Variants in DUSP19 observed in about 807,000 individuals in gnomAD.
DUSP19 encodes the protein dual specificity protein phosphatase 19.
A neutral mutation model predicts 16.6 loss-of-function variants in DUSP19; 14 were observed. The observed-to-expected ratio is 0.84, with a 90% CI of 0.56 to 1.32. The LOEUF is 1.32. Among genes scored for constraint, DUSP19 ranks in the 40% most tolerant of loss-of-function variants. The pLI is 0.00. For missense variants in DUSP19, 258 were observed against 255.9 expected, an observed-to-expected ratio of 1.01 and a Z score of -0.06; for synonymous variants, 81 against 90.5, an observed-to-expected ratio of 0.90 and a Z score of 0.59.
intron 3 of DUSP19, among the ~76,000 whole-genome samples, chr2:183,090,431 A>C (rs2105503642): frequency 6.6e-6 from 1 of 152,230 alleles, no homozygotes; most frequent in East Asian, 1.9e-4. Context: ...TTAGGAACTA[A>C]ATTTATTTGT....
rs1699789265 is a variant in DUSP19, at chr2:183,095,536, T to C, written c.532T>C (p.Ser178Pro). The change falls in exon 4 of 4, where the codon TCT becomes CCT. Residue 178 changes from serine to proline, a missense_variant. Coordinates refer to ENST00000354221, the MANE Select transcript of DUSP19 (RefSeq NM_080876.4). ...ACAAACCTCATTTACCAGTGCTTTT[T>C]CTTTGGTGAAAAATGCAAGACCTTC... ...SEQTSFTSAF[S>P]LVKNARPSIC... 2 of 1,614,086 alleles carry C rather than the reference T, an allele frequency of 1.2e-6. No homozygotes were observed. Among genetic ancestry groups the C allele is most frequent in the Non-Finnish European group, 1.7e-6 (2 of 1,179,986 alleles).
rs758929033 is a variant in DUSP19 at position 183,095,650 on chromosome 2, A to G, written c.646A>G (p.Ser216Gly). The G allele has an allele frequency of 5.6e-6, 9 of 1,609,424 alleles. No individual in the cohort carries two copies. The African/African-American group carries it at 8.0e-5, about 14-fold the overall frequency. The change falls in exon 4 of 4, where the codon AGT (serine) becomes GGT (glycine). Residue 216 changes from serine (S) to glycine (G), a missense_variant. Transcript: ENST00000354221. Reference protein sequence around the residue: ...SNKCDRIQENSS With the variant: ...SNKCDRIQENGS ...TAAGTGTGACAGAATACAGGAGAAC[A>G]GTTCATGAGTTGCATTGTAGCAGAC...
Position 183,098,956 on chromosome 2 carries a change from G to A in DUSP19, c.*3298G>A, listed in dbSNP as rs1351573174. The A allele has an allele frequency of 6.6e-6, 1 of 152,070 alleles. No individual in the cohort carries two copies. The highest frequency in any genetic ancestry group is 1.5e-5 in the Non-Finnish European group (1 of 67,992). 9.4% of individuals were successfully genotyped at this position (152,070 alleles called of 1,614,324 possible). A position where few individuals can be genotyped will look rare whatever the true frequency, so the allele number is the denominator to read the frequency against. On this transcript the variant is annotated 3_prime_UTR_variant, in exon 4 of 4. Transcript: ENST00000354221. ...AAAAGACAAATATTTCAGAGGAAGT[G>A]GAGTACAGTATTTAACATTTTGTTT...
Position 183,082,419 on chromosome 2 carries a change from C to CTTTTTTTT in DUSP19, c.227-1074_227-1067dup, listed in dbSNP as rs71008260. 3.1e-3 allele frequency among the ~76,000 whole-genome samples: 265 copies of CTTTTTTTT among 84,824 alleles called. 1 individual carries two copies. The highest frequency in any genetic ancestry group is 5.6e-3 in the African/African-American group (120 of 21,524). The allele number at this position is 84,824 out of a possible 152,430, so 55.6% of individuals were successfully genotyped here. On this transcript the variant is annotated intron_variant, in intron 1 of 3. Coordinates refer to ENST00000354221, the MANE Select transcript of DUSP19 (RefSeq NM_080876.4). Reference sequence around the variant, plus strand: ...AACCAGATACATTGAGAACATTTTTCTTTTTTTTTTTTTTTTTTTTTTGAG... The same window carrying CTTTTTTTT: ...AACCAGATACATTGAGAACATTTTTCTTTTTTTTTTTTTTTTTTTTTTTTTTTTTTGAG...
At chr2:183,090,237 G>A (rs2105503493) in intron 3 of DUSP19, among the ~76,000 whole-genome samples, 1 of 152,160 alleles carries the variant, frequency 6.6e-6, no homozygotes, top group African/African-American at 2.4e-5. Context: ...GCTATAGTTT[G>A]TTGTTTTCAT....
chr2:183,082,810 G>A (rs1270166626), intron 1 of DUSP19, among the ~76,000 whole-genome samples: 1 of 132,736 alleles, frequency 7.5e-6, no homozygotes, highest in Non-Finnish European at 1.7e-5. Context: ...CTTCCCTTTT[G>A]TTCGTTCGTT....
At position 183,099,495 on chromosome 2, in the gene DUSP19, C is replaced by G. The variant is rs965659530; in HGVS notation, c.*3837C>G. On this transcript the variant is annotated 3_prime_UTR_variant, in exon 4 of 4. Coordinates refer to ENST00000354221, the MANE Select transcript of DUSP19 (RefSeq NM_080876.4). ...TATGGTTTGTTTCAATTGATGCACA[C>G]AAAAAATAACTTATAGTTAGACTTT... The G allele has an allele frequency of 6.6e-6, 1 of 152,086 alleles. No homozygotes were observed. The highest frequency in any genetic ancestry group is 1.5e-5 in the Non-Finnish European group (1 of 68,000). 9.4% of individuals were successfully genotyped at this position (152,086 alleles called of 1,614,324 possible). A position where few individuals can be genotyped will look rare whatever the true frequency, so the allele number is the denominator to read the frequency against.
intron 1 of DUSP19, among the ~76,000 whole-genome samples, chr2:183,079,498 A>G (rs766363342): frequency 6.6e-6 from 1 of 152,204 alleles, no homozygotes; most frequent in Admixed American, 6.5e-5. Context: ...AAAAGGAATG[A>G]AAAAAGAATG....
chr2:183,083,360 G>A (rs1419528529), intron 1 of DUSP19, 148 bp from the exon 2 acceptor site: 2 of 640,854 alleles, frequency 3.1e-6, no homozygotes, highest in African/African-American at 1.8e-5. Context: ...TAGGATGACT[G>A]TTATCAAATT....
chr2:183,091,919 A>G (rs955123451), intron 3 of DUSP19, among the ~76,000 whole-genome samples: 2 of 152,078 alleles, frequency 1.3e-5, no homozygotes, highest in Non-Finnish European at 2.9e-5. Context: ...AAAGCAGTCT[A>G]CCCATCACTT....
Position 183,083,745 on chromosome 2 carries a change from G to A in DUSP19, c.273+191G>A, listed in dbSNP as rs565171792. Reference sequence around the variant, plus strand: ...TGTGGATCTGTAATCTGTCTTTCCAGTTTTACATTCTTCTTGATCTCCTTC... The same window carrying A: ...TGTGGATCTGTAATCTGTCTTTCCAATTTTACATTCTTCTTGATCTCCTTC... On this transcript the variant is annotated intron_variant, in intron 2 of 3. Transcript: ENST00000354221. 3.3e-5 allele frequency among the ~76,000 whole-genome samples: 5 copies of A among 152,252 alleles called. No homozygotes were observed. The East Asian group carries it at 9.7e-4, about 29-fold the overall frequency.
chr2:183,088,954 A>G (rs1699698331), intron 3 of DUSP19, among the ~76,000 whole-genome samples: 1 of 152,230 alleles, frequency 6.6e-6, no homozygotes, highest in Non-Finnish European at 1.5e-5. Context: ...AAATGTTGCA[A>G]GTAAAAATTA....
rs969966900 is a variant in DUSP19 at position 183,096,478 on chromosome 2, C to T, written c.*820C>T. 1.3e-5 allele frequency: 2 copies of T among 152,174 alleles called. No homozygotes were observed. Among genetic ancestry groups the T allele is most frequent in the African/African-American group, 2.4e-5 (1 of 41,502 alleles). The allele number at this position is 152,174 out of a possible 1,614,324, so 9.4% of individuals were successfully genotyped here. ...CTCGAACTCCTGACCTCAGGTGATCCACCCACCTTGGCCTCTCTAAATACT... is the reference window on the plus strand; with the variant it reads ...CTCGAACTCCTGACCTCAGGTGATCTACCCACCTTGGCCTCTCTAAATACT... On this transcript the variant is annotated 3_prime_UTR_variant, in exon 4 of 4. Coordinates refer to ENST00000354221, the MANE Select transcript of DUSP19 (RefSeq NM_080876.4).
chr2:183,095,701 G>T lies in DUSP19; in HGVS notation c.*43G>T. ...AATGGACAACTGTAGTTTCTGAATT[G>T]ACTTCTATAGCCATCTTTTCCCTTT... is the stretch of plus-strand genomic sequence containing the variant. On this transcript the variant is annotated 3_prime_UTR_variant, in exon 4 of 4. Transcript: ENST00000354221. 2 of 1,479,044 alleles carry T rather than the reference G, an allele frequency of 1.4e-6. No individual in the cohort carries two copies. Among genetic ancestry groups the T allele is most frequent in the South Asian group, 2.5e-5 (2 of 79,404 alleles). 91.6% of individuals were successfully genotyped at this position (1,479,044 alleles called of 1,614,324 possible).
At chr2:183,080,347 TAA>T (rs1390299882) in intron 1 of DUSP19, among the ~76,000 whole-genome samples, 1 of 152,234 alleles carries the variant, frequency 6.6e-6, no homozygotes, top group East Asian at 1.9e-4. Context: ...AGTGTACATA[TAA>T]GTTATTAAAT....
rs1052947343 is a variant in DUSP19, at chr2:183,098,899, T to C, written c.*3241T>C. The C allele has an allele frequency of 9.9e-5, 15 of 152,226 alleles. No individual in the cohort carries two copies. The highest frequency in any genetic ancestry group is 1.5e-5 in the Non-Finnish European group (1 of 68,026). 9.4% of individuals were successfully genotyped at this position (152,226 alleles called of 1,614,324 possible). A position where few individuals can be genotyped will look rare whatever the true frequency, so the allele number is the denominator to read the frequency against. On this transcript the variant is annotated 3_prime_UTR_variant, in exon 4 of 4. Coordinates refer to ENST00000354221, the MANE Select transcript of DUSP19 (RefSeq NM_080876.4). ...CCAAACAATATTCTTCTTAGATTTT[T>C]GGAGGCAAAATTTAGACCAGTATAC...
chr2:183,083,615 GA>G, intron 2 of DUSP19, 61 bp downstream of exon 2: 1 of 1,445,514 alleles, frequency 6.9e-7, no homozygotes, highest in Non-Finnish European at 9.5e-7. Flanking sequence ...TTTTATTTAG[GA>G]AAAACTGTAT....
rs151146923 is a variant in DUSP19 at position 183,094,730 on chromosome 2, A to G, written c.427-701A>G. ...AGCTATTTGTGTCACATTTTACTAC[A>G]TCGTAAGTTTAAATATTTTTAAGTA... On this transcript the variant is annotated intron_variant, in intron 3 of 3. Transcript: ENST00000354221. 1.2e-3 allele frequency among the ~76,000 whole-genome samples: 177 copies of G among 152,306 alleles called. 2 individuals are homozygous for G. Among genetic ancestry groups the G allele is most frequent in the African/African-American group, 3.9e-3 (164 of 41,568 alleles).
intron 2 of DUSP19, among the ~76,000 whole-genome samples, chr2:183,086,810 G>C (rs956377140): frequency 1.3e-5 from 2 of 151,918 alleles, no homozygotes; most frequent in African/African-American, 4.8e-5. Flanking sequence ...GTGACAGAAA[G>C]AGACCCTGTC....
Sources: gnomAD v4.1 joint callset for allele counts (sites outside exome capture counted in the v4.1 genomes callset) on GRCh38, gnomAD v4.1.1 for gene constraint, MANE v1.5 for transcripts, NCBI Gene and HGNC (gene_info 2026-07-23, HGNC 2026-07-21) for gene names.